The following MARCHF3 variants were observed in gnomAD, a reference collection of about 807,000 sequenced individuals.
MARCHF3 encodes E3 ubiquitin-protein ligase MARCHF3.
In MARCHF3, 13 loss-of-function variants were observed where a neutral mutation model predicts 24.2. That is an observed-to-expected ratio of 0.54 (90% CI 0.35 to 0.85). The LOEUF (loss-of-function observed/expected upper bound fraction) is 0.85, where lower values mean the gene tolerates loss of function less well. MARCHF3 is among the 40% of genes least tolerant of loss of function. MARCHF3 has a pLI of 0.01. For synonymous variants in MARCHF3, 144 were observed against 137.3 expected, an observed-to-expected ratio of 1.05 and a Z score of -0.34; for missense variants, 276 against 325.0, an observed-to-expected ratio of 0.85 and a Z score of 1.16.
At chr5:126,972,807 A>T (rs1046220468) in intron 1 of MARCHF3, among the ~76,000 whole-genome samples, 73 of 152,178 alleles carry the variant, frequency 4.8e-4, no homozygotes, top group African/African-American at 1.7e-3. Context: ...AACAGGATGT[A>T]AAAAAAACAC....
chr5:126,872,635 G>C (rs969057913), intron 4 of MARCHF3, among the ~76,000 whole-genome samples: 8 of 152,114 alleles, frequency 5.3e-5, no homozygotes, highest in Non-Finnish European at 1.0e-4. Context: ...TCGAGTTTCT[G>C]GAAGTAGATG....
At chr5:126,881,359 G>A (rs1753336644) in intron 3 of MARCHF3, among the ~76,000 whole-genome samples, 1 of 152,196 alleles carries the variant, frequency 6.6e-6, no homozygotes, top group Admixed American at 6.5e-5. Context: ...AGCAAGATCA[G>A]TAGCAATCAT....
At position 126,869,584 on chromosome 5, in the gene MARCHF3, T is replaced by C. The variant is rs993004297; in HGVS notation, c.*1049A>G. On this transcript the variant is annotated 3_prime_UTR_variant, in exon 5 of 5. Coordinates refer to ENST00000308660, the MANE Select transcript of MARCHF3 (RefSeq NM_178450.5). Reference sequence around the variant, plus strand: ...AAGTGCAGGGCTGCTAGGACAGGCTTTTTTTTTTTTTTTTTTTTTTGCCAC... The same window carrying C: ...AAGTGCAGGGCTGCTAGGACAGGCTCTTTTTTTTTTTTTTTTTTTTGCCAC... 2 of 138,840 alleles carry C rather than the reference T, an allele frequency of 1.4e-5. No homozygotes were observed. Among genetic ancestry groups the C allele is most frequent in the African/African-American group, 5.6e-5 (2 of 35,636 alleles). 8.6% of individuals were successfully genotyped at this position (138,840 alleles called of 1,614,324 possible). A position where few individuals can be genotyped will look rare whatever the true frequency, so the allele number is the denominator to read the frequency against.
At chr5:126,914,740 T>C (rs1187868633) in intron 3 of MARCHF3, 190 bp downstream of exon 3, 7 of 619,688 alleles carry the variant, frequency 1.1e-5, no homozygotes, top group Non-Finnish European at 1.7e-5. Flanking sequence ...CTTCTCTGTG[T>C]CTGTCTGTCT....
Position 126,915,031 on chromosome 5 carries a change from G to C in MARCHF3, c.292C>G (p.Arg98Gly). 2.5e-6 allele frequency: 4 copies of C among 1,614,162 alleles called. No individual in the cohort carries two copies. Among genetic ancestry groups the C allele is most frequent in the Non-Finnish European group, 2.5e-6 (3 of 1,180,012 alleles). Residue 98 changes from arginine to glycine, a missense_variant, in exon 3 of 5, where the codon CGG becomes GGG. Physicochemically the swap from Arg to Gly is moderately radical, Grantham distance 125 (BLOSUM62 -2). Transcript: ENST00000308660. ...ECTGTLGTIHRSCLEHWLSSS... is the reference protein window; with the variant it reads ...ECTGTLGTIHGSCLEHWLSSS... The stretch of plus-strand genomic sequence containing the variant: ...GACAGCCAGTGCTCCAGGCAGCTCC[G>C]ATGAATTGTCCCCAAGGTCCCTGTA...
At chr5:126,916,021 C>T (rs1205791450) in intron 2 of MARCHF3, among the ~76,000 whole-genome samples, 2 of 152,162 alleles carry the variant, frequency 1.3e-5, no homozygotes. Flanking sequence ...GAAAAGATAG[C>T]CCAGATTAGA....
chr5:126,906,165 C>T (rs1166330144), intron 3 of MARCHF3, among the ~76,000 whole-genome samples: 4 of 151,104 alleles, frequency 2.6e-5, no homozygotes, highest in South Asian at 2.1e-4. Flanking sequence ...AGGGATGAAG[C>T]CCACTTGATC....
intron 1 of MARCHF3, among the ~76,000 whole-genome samples, chr5:126,984,554 G>A (rs971305325): frequency 2.6e-5 from 4 of 152,220 alleles, no homozygotes; most frequent in South Asian, 2.1e-4. Flanking sequence ...CTTCCAGGGC[G>A]GGCCCCTGAG....
intron 1 of MARCHF3, among the ~76,000 whole-genome samples, chr5:126,953,885 T>C (rs969811495): frequency 3.9e-5 from 6 of 152,224 alleles, no homozygotes; most frequent in African/African-American, 1.4e-4. Context: ...CTCTTGTATA[T>C]TCTACCTTTT....
intron 2 of MARCHF3, among the ~76,000 whole-genome samples, chr5:126,917,717 C>A (rs1294565342): frequency 1.3e-5 from 2 of 152,190 alleles, no homozygotes; most frequent in African/African-American, 2.4e-5. Context: ...AAAATAACAA[C>A]CCCGTATCTT....
intron 1 of MARCHF3, among the ~76,000 whole-genome samples, chr5:126,952,297 A>G (rs776386917): frequency 6.6e-6 from 1 of 152,234 alleles, no homozygotes; most frequent in Non-Finnish European, 1.5e-5. Flanking sequence ...AGGGAGAATG[A>G]GCAAGAGACA....
rs140963402 is a variant in MARCHF3 at position 127,025,629 on chromosome 5, A to G, written c.-57+4721T>C. Among the ~76,000 whole-genome samples the G allele has an allele frequency of 8.7e-3, 1,324 of 152,266 alleles. 10 individuals carry two copies. The highest frequency in any genetic ancestry group is 0.014 in the Non-Finnish European group (961 of 68,026). ...TCAGTTATATTTTTCAGCTTGTATC[A>G]GGAGAGTGTCTGTGAGGCCACAGAT... On this transcript the variant is annotated intron_variant, in intron 1 of 4. Coordinates refer to ENST00000308660, the MANE Select transcript of MARCHF3 (RefSeq NM_178450.5).
chr5:126,887,748 C>T (rs982628957), intron 3 of MARCHF3, among the ~76,000 whole-genome samples: 1 of 152,110 alleles, frequency 6.6e-6, no homozygotes, highest in African/African-American at 2.4e-5. Flanking sequence ...TTACAGTGGC[C>T]GTTCCTCTGC....
intron 1 of MARCHF3, among the ~76,000 whole-genome samples, chr5:127,024,908 T>C (rs1356847130): frequency 2.6e-5 from 4 of 152,208 alleles, no homozygotes; most frequent in Admixed American, 6.5e-5. Context: ...TAAAATATAC[T>C]CGGCAGCTCC....
At chr5:126,886,559 T>A (rs1753516320) in intron 3 of MARCHF3, among the ~76,000 whole-genome samples, 1 of 152,186 alleles carries the variant, frequency 6.6e-6, no homozygotes, top group Non-Finnish European at 1.5e-5. Flanking sequence ...AAGCAGCCTC[T>A]CTTACTGTCA....
At chr5:127,017,142 T>A (rs935625315) in intron 1 of MARCHF3, among the ~76,000 whole-genome samples, 2 of 152,108 alleles carry the variant, frequency 1.3e-5, no homozygotes, top group African/African-American at 4.8e-5. Flanking sequence ...AGGGATAGCA[T>A]TAGGAGAAAT....
chr5:126,919,891 C>A (rs1248523863), intron 1 of MARCHF3, among the ~76,000 whole-genome samples: 2 of 152,216 alleles, frequency 1.3e-5, no homozygotes, highest in African/African-American at 4.8e-5. Context: ...GCTGTGGACT[C>A]CAGTCCTTGT....
intron 1 of MARCHF3, among the ~76,000 whole-genome samples, chr5:126,962,002 A>G (rs538263487): frequency 6.6e-6 from 1 of 152,346 alleles, no homozygotes; most frequent in South Asian, 2.1e-4. Context: ...AACCATGGTT[A>G]CCCATTCACA....
At chr5:126,909,312 G>A (rs1298460012) in intron 3 of MARCHF3, among the ~76,000 whole-genome samples, 2 of 152,244 alleles carry the variant, frequency 1.3e-5, no homozygotes, top group Non-Finnish European at 2.9e-5. Context: ...AGCCTATAGA[G>A]GCAGGCAGGC....
Sources: allele counts gnomAD v4.1 joint callset (sites outside exome capture counted in the v4.1 genomes callset), GRCh38; gene constraint gnomAD v4.1.1; transcripts MANE v1.5; gene names NCBI Gene and HGNC (gene_info 2026-07-23, HGNC 2026-07-21).